The following NUP160 variants were observed in gnomAD, a reference collection of about 807,000 sequenced individuals.
NUP160 encodes the protein nucleoporin 160.
NUP160 carries 94 observed loss-of-function variants against 196.9 expected under a neutral mutation model. The observed-to-expected ratio is 0.48, with a 90% CI of 0.40 to 0.57. The LOEUF (loss-of-function observed/expected upper bound fraction) is 0.57, where lower values mean the gene tolerates loss of function less well. NUP160 is among the 20% of genes least tolerant of loss of function. The probability of loss-of-function intolerance (pLI) is 0.00; values close to 1 mark genes in which losing one functional copy is unlikely to be tolerated. For synonymous variants in NUP160, 605 were observed against 619.7 expected (o/e 0.98, Z 0.35); for missense variants, 1,638 against 1,748.3 (o/e 0.94, Z 1.13).
At position 47,821,154 on chromosome 11, in the gene NUP160, T is replaced by C. The variant is rs142492528; in HGVS notation, c.1277+570A>G. ...CCAGATTAGAGGTATTTTGGATATG[T>C]GCTATCTCTCCCAAGAAATATGACA... is the stretch of plus-strand genomic sequence containing the variant. On this transcript the variant is annotated intron_variant, in intron 9 of 35. Coordinates refer to ENST00000378460, the Ensembl canonical transcript of NUP160. Among the ~76,000 whole-genome samples, 710 of 152,150 alleles carry C rather than the reference T, an allele frequency of 4.7e-3. 9 individuals are homozygous for C. The highest frequency in any genetic ancestry group is 0.015 in the African/African-American group (638 of 41,450).
chr11:47,806,252 A>G lies in NUP160; in HGVS notation c.2507T>C (p.Ile836Thr), dbSNP rs144790017. The stretch of plus-strand genomic sequence containing the variant: ...CTTTGGCTGAGAGAAGAGGTGAGAT[A>G]TAATGTGTTTTCTTGCAACTTCTTG... Residue 836 changes from isoleucine to threonine, a missense_variant, in exon 20 of 36, where the codon ATA becomes ACA. Ile to Thr is a moderately conservative substitution (Grantham distance 89). Coordinates refer to ENST00000378460, the Ensembl canonical transcript of NUP160. 118 of 1,613,612 alleles carry G rather than the reference A, an allele frequency of 7.3e-5. No homozygotes were observed. Among genetic ancestry groups the G allele is most frequent in the Non-Finnish European group, 9.9e-5 (117 of 1,179,586 alleles).
At chr11:47,812,415 T>C (rs774493828) in exon 16 of NUP160, 5 of 1,613,100 alleles carry the variant, frequency 3.1e-6, no homozygotes, top group Non-Finnish European at 4.2e-6. Flanking sequence ...ACAAATATCC[T>C]CCATCACATT....
At chr11:47,820,029 G>A (rs11039412) in intron 9 of NUP160, among the ~76,000 whole-genome samples, 41,978 of 152,024 alleles carry the variant, frequency 0.28, 6,808 homozygotes, top group Middle Eastern at 0.38. Flanking sequence ...CCCAGGTATG[G>A]CCTGAGGTCA....
exon 26 of NUP160, chr11:47,798,074 C>T (rs992500729): frequency 1.3e-6 from 2 of 1,573,354 alleles, no homozygotes; most frequent in Admixed American, 1.8e-5. Context: ...AATCTAATTG[C>T]CTAGAAGGAA....
chr11:47,782,305 TATATATATATATATA>T (rs1235879380), intron 34 of NUP160, among the ~76,000 whole-genome samples: 5 of 10,568 alleles, frequency 4.7e-4, no homozygotes, highest in African/African-American at 2.6e-3. Context: ...AAAAAAAAAA[TATATATATATATATA>T]TATATATATA....
rs1020322176 is a variant in NUP160 at position 47,799,143 on chromosome 11, T to C, written c.2896-680A>G. Among the ~76,000 whole-genome samples the C allele has an allele frequency of 2.6e-5, 4 of 151,900 alleles. 1 individual carries two copies. The highest frequency in any genetic ancestry group is 2.6e-4 in the Admixed American group (4 of 15,222). ...CTCTGTCAATCAGACTGGAGCACAA[T>C]GGTGTGATCTCGGCTCACTGCAACC... On this transcript the variant is annotated intron_variant, in intron 23 of 35. Transcript: ENST00000378460.
intron 32 of NUP160, 38 bp from the exon 33 acceptor site, chr11:47,785,101 C>CTTTTTTTTTTTT: frequency 9.0e-7 from 1 of 1,107,990 alleles, no homozygotes; most frequent in Non-Finnish European, 1.3e-6. Flanking sequence ...GTTTCAGATT[C>CTTTTTTTTTTTT]TTAATAGCTA....
chr11:47,818,091 G>T lies in NUP160; in HGVS notation c.1396C>A (p.Gln466Lys), dbSNP rs193043409. 14 of 1,611,540 alleles carry T rather than the reference G, an allele frequency of 8.7e-6. No homozygotes were observed. In the Admixed American group the frequency reaches 2.2e-4, roughly 25 times the overall value. ...TTACATAAAGCTTCATTTGTGAATT[G>T]TCCTGGTGTAAAAAGACTTTGCAGA... The change falls in exon 11 of 36, where the codon CAA (glutamine) becomes AAA (lysine). Residue 466 changes from glutamine (Q) to lysine (K), a missense_variant. Coordinates refer to ENST00000378460, the Ensembl canonical transcript of NUP160.
intron 34 of NUP160, among the ~76,000 whole-genome samples, 172 bp from the exon 35 acceptor site, chr11:47,780,619 C>T (rs1599299100): frequency 6.6e-6 from 1 of 150,704 alleles, no homozygotes; most frequent in Non-Finnish European, 1.5e-5. Flanking sequence ...TCACTGCAAC[C>T]TCCGCCTCCT....
chr11:47,812,470 A>G, intron 15 of NUP160, 41 bp from the exon 16 acceptor site: 1 of 1,585,956 alleles, frequency 6.3e-7, no homozygotes. Context: ...TACCGAGAAT[A>G]CGTAAGGCAA....
chr11:47,810,224 G>T (rs1002663910), intron 17 of NUP160, among the ~76,000 whole-genome samples: 6 of 151,438 alleles, frequency 4.0e-5, no homozygotes, highest in East Asian at 3.9e-4. Context: ...TTGAGATAGG[G>T]TCTCACTCTG....
intron 34 of NUP160, among the ~76,000 whole-genome samples, chr11:47,782,585 G>A (rs73453068): frequency 0.017 from 2,529 of 151,466 alleles, 43 homozygotes; most frequent in African/African-American, 0.046. Flanking sequence ...TGAATATCTT[G>A]TGTAATTTAT....
intron 27 of NUP160, 49 bp from the exon 28 acceptor site, chr11:47,792,995 C>G (rs2097668766): frequency 6.5e-7 from 1 of 1,530,592 alleles, no homozygotes; most frequent in African/African-American, 1.4e-5. Context: ...ATTTTTTTTT[C>G]TTTTTTTTGG....
chr11:47,778,403 A>G (rs2097658764), exon 36 of NUP160: 2 of 152,664 alleles, frequency 1.3e-5, no homozygotes, highest in Admixed American at 1.3e-4. Context: ...CTTGATTATC[A>G]TAAATCATAG....
exon 24 of NUP160, chr11:47,798,382 C>T (rs1256784765): frequency 6.2e-7 from 1 of 1,609,786 alleles, no homozygotes; most frequent in Non-Finnish European, 8.5e-7. Flanking sequence ...CTTTTCCAGT[C>T]ATCACCTGCT....
intron 25 of NUP160, 40 bp from the exon 26 acceptor site, chr11:47,798,114 G>A (rs754404878): frequency 6.5e-7 from 1 of 1,537,726 alleles, no homozygotes; most frequent in East Asian, 2.3e-5. Context: ...AACTATCTTA[G>A]TAGGTTAAAC....
At chr11:47,836,002 T>C (rs954421497) in intron 6 of NUP160, among the ~76,000 whole-genome samples, 193 bp from the exon 7 acceptor site, 1 of 152,180 alleles carries the variant, frequency 6.6e-6, no homozygotes, top group African/African-American at 2.4e-5. Flanking sequence ...ATCCCAGCAC[T>C]CTGGGAGGCC....
chr11:47,817,533 G>A (rs1851763144), intron 11 of NUP160, among the ~76,000 whole-genome samples: 1 of 150,758 alleles, frequency 6.6e-6, no homozygotes, highest in African/African-American at 2.4e-5. Flanking sequence ...TTTTAGTAGA[G>A]ACGGGGTTTC....
chr11:47,823,691 C>T (rs1159510712), intron 7 of NUP160, among the ~76,000 whole-genome samples: 4 of 151,900 alleles, frequency 2.6e-5, no homozygotes, highest in African/African-American at 4.8e-5. Context: ...CCTGTCACCA[C>T]GCCTGGCTAA....
Sources: allele counts gnomAD v4.1 joint callset (sites outside exome capture counted in the v4.1 genomes callset), GRCh38; gene constraint gnomAD v4.1.1; transcripts MANE v1.5; gene names NCBI Gene and HGNC (gene_info 2026-07-23, HGNC 2026-07-21).